Variants in BCKDHA observed in about 807,000 individuals in gnomAD.
The protein encoded by BCKDHA is branched chain keto acid dehydrogenase E1 subunit alpha.
Under a neutral mutation model 52.2 loss-of-function variants are expected in BCKDHA, and 43 were observed. That is an observed-to-expected ratio of 0.82 (90% CI 0.64 to 1.06). The LOEUF (loss-of-function observed/expected upper bound fraction) is 1.06, where lower values mean the gene tolerates loss of function less well. BCKDHA is among the 50% of genes least tolerant of loss of function. BCKDHA has a pLI of 0.00. For missense variants in BCKDHA, 527 were observed against 621.3 expected (o/e 0.85, Z 1.61); for synonymous variants, 234 against 247.9 (o/e 0.94, Z 0.53).
At position 41,424,857 on chromosome 19, in the gene BCKDHA, T is replaced by A; in HGVS notation, c.*249T>A. The A allele has an allele frequency of 2.1e-6, 1 of 475,092 alleles. No homozygotes were observed. The highest frequency in any genetic ancestry group is 3.8e-6 in the Non-Finnish European group (1 of 266,258). 29.4% of individuals were successfully genotyped at this position (475,092 alleles called of 1,614,324 possible). On this transcript the variant is annotated 3_prime_UTR_variant, in exon 9 of 9. Coordinates refer to ENST00000269980, the MANE Select transcript of BCKDHA (RefSeq NM_000709.4). ...CTTCACCTGTTGTTACAGTGCCTTC[T>A]CCCAGGGGCTGGGTGAGGGCACATT...
Position 41,422,167 on chromosome 19 carries a change from T to G in BCKDHA, c.650T>G (p.Val217Gly). The G allele has an allele frequency of 6.2e-7, 1 of 1,613,064 alleles. No homozygotes were observed. The change falls in exon 6 of 9, where the codon GTG (valine) becomes GGG (glycine). Residue 217 changes from valine to glycine, a missense_variant. Val to Gly is a moderately radical substitution (Grantham distance 109). Coordinates refer to ENST00000269980, the MANE Select transcript of BCKDHA (RefSeq NM_000709.4). ...SPLATQIPQA[V>G]GAAYAAKRAN... ...ACCACCCTCTCATCCCCTGCAGCGGTGGGGGCGGCGTACGCAGCCAAGCGG... is the reference window on the plus strand; with the variant it reads ...ACCACCCTCTCATCCCCTGCAGCGGGGGGGGCGGCGTACGCAGCCAAGCGG...
intron 1 of BCKDHA, among the ~76,000 whole-genome samples, chr19:41,402,059 C>A (rs1256255246): frequency 6.6e-6 from 1 of 152,200 alleles, no homozygotes; most frequent in African/African-American, 2.4e-5. Context: ...GGAGCAAAGT[C>A]ACATCTTACA....
intron 8 of BCKDHA, 134 bp from the exon 9 acceptor site, chr19:41,424,304 G>C (rs1161200928): frequency 1.0e-6 from 1 of 985,506 alleles, no homozygotes; most frequent in Non-Finnish European, 1.6e-6. Context: ...ACTTCTGCTA[G>C]GATAATCATT....
intron 4 of BCKDHA, among the ~76,000 whole-genome samples, chr19:41,416,609 G>A (rs542869501): frequency 3.9e-5 from 6 of 152,292 alleles, no homozygotes; most frequent in African/African-American, 1.2e-4. Context: ...AGTGGCGCCC[G>A]GTGAAAAGGA....
chr19:41,418,085 C>G (rs550627678), intron 4 of BCKDHA, among the ~76,000 whole-genome samples: 121 of 96,798 alleles, frequency 1.3e-3, no homozygotes, highest in Admixed American at 2.4e-3. Context: ...AAGCCAGACT[C>G]TGTCTCAAAA....
chr19:41,421,429 G>A lies in BCKDHA; in HGVS notation c.647-735G>A, dbSNP rs57096317. 6.4e-3 allele frequency among the ~76,000 whole-genome samples: 945 copies of A among 147,368 alleles called. 12 individuals carry two copies. The highest frequency in any genetic ancestry group is 0.02 in the African/African-American group (778 of 38,864). ...GGTGGCTGGGGTCCGTCACTGGAGT[G>A]ACACTGAAGTATGGACCAGAGGATG... On this transcript the variant is annotated intron_variant, in intron 5 of 8. Coordinates refer to ENST00000269980, the MANE Select transcript of BCKDHA (RefSeq NM_000709.4).
At position 41,412,380 on chromosome 19, in the gene BCKDHA, C is replaced by CTTTTTTTTTTT. The variant is rs530972813; in HGVS notation, c.375+1379_375+1389dup. ...TCATTCCCTCTGTCTGTAGATATTT[C>CTTTTTTTTTTT]TTTTTTTTTTTTTTTTTTACTTTTG... On this transcript the variant is annotated intron_variant, in intron 3 of 8. Transcript: ENST00000269980. Among the ~76,000 whole-genome samples the CTTTTTTTTTTT allele has an allele frequency of 1.5e-4, 10 of 65,856 alleles. 2 individuals are homozygous for CTTTTTTTTTTT. Among genetic ancestry groups the CTTTTTTTTTTT allele is most frequent in the Non-Finnish European group, 2.1e-4 (7 of 32,590 alleles). The allele number at this position is 65,856 out of a possible 152,430, so 43.2% of individuals were successfully genotyped here.
intron 6 of BCKDHA, 111 bp from the exon 7 acceptor site, chr19:41,422,515 TGAG>T: frequency 6.3e-7 from 1 of 1,577,990 alleles, no homozygotes; most frequent in Non-Finnish European, 8.7e-7. Flanking sequence ...CCACAGGAGT[TGAG>T]GTCCTGAGCA....
chr19:41,423,878 A>G (rs1333507150), intron 8 of BCKDHA, among the ~76,000 whole-genome samples: 2 of 151,518 alleles, frequency 1.3e-5, no homozygotes, highest in Non-Finnish European at 2.9e-5. Context: ...CTGTAGTCCC[A>G]GCTACTCAGG....
chr19:41,418,777 C>T (rs973270092), intron 4 of BCKDHA: 15 of 448,950 alleles, frequency 3.3e-5, no homozygotes, highest in Admixed American at 1.5e-4. Context: ...TGGGCTCAAG[C>T]GATCCTCCAA....
chr19:41,400,583 C>T lies in BCKDHA; in HGVS notation c.108+2648C>T, dbSNP rs139504265. On this transcript the variant is annotated intron_variant, in intron 1 of 8. Coordinates refer to ENST00000269980, the MANE Select transcript of BCKDHA (RefSeq NM_000709.4). ...AATCTTTGTAGAGATGGGGTTTTGC[C>T]ATGTTTTCCAGGCTGGTCTTGAACT... is the stretch of plus-strand genomic sequence containing the variant. Among the ~76,000 whole-genome samples the T allele has an allele frequency of 6.3e-3, 953 of 152,064 alleles. 12 individuals are homozygous for T. The highest frequency in any genetic ancestry group is 0.019 in the African/African-American group (784 of 41,480).
At chr19:41,415,043 C>G (rs1159089668) in intron 4 of BCKDHA, among the ~76,000 whole-genome samples, 2 of 152,126 alleles carry the variant, frequency 1.3e-5, no homozygotes, top group Non-Finnish European at 2.9e-5. Flanking sequence ...GTGTCATGAT[C>G]GGGGACTCGC....
Position 41,404,437 on chromosome 19 carries a change from C to T in BCKDHA, c.109-6200C>T, listed in dbSNP as rs1302324862. On this transcript the variant is annotated intron_variant, in intron 1 of 8. Coordinates refer to ENST00000269980, the MANE Select transcript of BCKDHA (RefSeq NM_000709.4). ...CCCGAGTAGCTGGGACTACAGGCGC[C>T]CGCCACCACGCCCGGCTAATTTTTT... Among the ~76,000 whole-genome samples the T allele has an allele frequency of 2.0e-5, 3 of 149,452 alleles. No individual in the cohort carries two copies. In the South Asian group the frequency reaches 6.4e-4, roughly 32 times the overall value.
In BCKDHA at chr19:41,411,153, TGGA is replaced by T. The variant is rs2039249867; in HGVS notation, c.375+149_375+151del. Reference sequence around the variant, plus strand: ...AGTTCTGAGGGTTCTCTTGGGACTCTGGAGGAGAAGTGTGAGAGCAGTCCTGCC... The same window carrying T: ...AGTTCTGAGGGTTCTCTTGGGACTCTGGAGAAGTGTGAGAGCAGTCCTGCC... On this transcript the variant is annotated intron_variant, in intron 3 of 8. Coordinates refer to ENST00000269980, the MANE Select transcript of BCKDHA (RefSeq NM_000709.4). 1.8e-5 allele frequency: 16 copies of T among 910,372 alleles called. No individual in the cohort carries two copies. In the East Asian group the frequency reaches 3.4e-4, roughly 19 times the overall value. 56.4% of individuals were successfully genotyped at this position (910,372 alleles called of 1,614,324 possible). A position where few individuals can be genotyped will look rare whatever the true frequency, so the allele number is the denominator to read the frequency against.
chr19:41,409,099 G>C (rs1257274377), intron 1 of BCKDHA, among the ~76,000 whole-genome samples: 2 of 152,164 alleles, frequency 1.3e-5, no homozygotes, highest in East Asian at 3.9e-4. Context: ...ACAGGTGTGC[G>C]CAACCACGCC....
At chr19:41,412,143 G>A (rs984719821) in intron 3 of BCKDHA, among the ~76,000 whole-genome samples, 6 of 152,124 alleles carry the variant, frequency 3.9e-5, no homozygotes, top group Admixed American at 3.3e-4. Context: ...CAGACTGCTT[G>A]TCAGAGCCCT....
intron 4 of BCKDHA, among the ~76,000 whole-genome samples, chr19:41,418,078 C>G (rs1459689511): frequency 1.7e-5 from 2 of 120,110 alleles, no homozygotes; most frequent in Non-Finnish European, 3.2e-5. Context: ...GGTGGCCAAG[C>G]CAGACTCTGT....
chr19:41,412,600 A>T (rs1283339798), intron 3 of BCKDHA, among the ~76,000 whole-genome samples: 3 of 149,632 alleles, frequency 2.0e-5, no homozygotes, highest in Non-Finnish European at 4.4e-5. Context: ...CTGGTCTCGA[A>T]CTCCCTACCT....
chr19:41,416,486 G>A (rs1455220347), intron 4 of BCKDHA, among the ~76,000 whole-genome samples: 1 of 152,214 alleles, frequency 6.6e-6, no homozygotes, highest in Non-Finnish European at 1.5e-5. Flanking sequence ...CTCCTAAGGA[G>A]TGGAGCCGAG....
Sources: gnomAD v4.1 joint callset for allele counts (sites outside exome capture counted in the v4.1 genomes callset) on GRCh38, gnomAD v4.1.1 for gene constraint, MANE v1.5 for transcripts, NCBI Gene and HGNC (gene_info 2026-07-23, HGNC 2026-07-21) for gene names.